Variants in RNF11 observed in about 807,000 individuals in gnomAD.
RNF11 encodes the protein ring finger protein 11.
In RNF11, 4 loss-of-function variants were observed where a neutral mutation model predicts 15.8. That is an observed-to-expected ratio of 0.25 (90% confidence interval 0.12 to 0.58). The LOEUF (loss-of-function observed/expected upper bound fraction) is 0.58, where lower values mean the gene tolerates loss of function less well. RNF11 is among the 20% of genes least tolerant of loss of function. The probability of loss-of-function intolerance (pLI) is 0.91; values close to 1 mark genes in which losing one functional copy is unlikely to be tolerated. For missense variants in RNF11, 139 were observed against 194.4 expected (o/e 0.71, Z 1.70); for synonymous variants, 68 against 72.3 (o/e 0.94, Z 0.30).
chr1:51,248,902 AAAC>A (rs1646864851), intron 1 of RNF11, among the ~76,000 whole-genome samples: 1 of 152,246 alleles, frequency 6.6e-6, no homozygotes, highest in African/African-American at 2.4e-5. Flanking sequence ...TTGGGAAAGA[AAAC>A]AATAAAAAAT....
intron 1 of RNF11, among the ~76,000 whole-genome samples, chr1:51,239,430 A>G (rs985117311): frequency 1.3e-5 from 2 of 152,224 alleles, no homozygotes; most frequent in African/African-American, 4.8e-5. Flanking sequence ...CAATCAGAAG[A>G]AAATTACTTT....
At chr1:51,245,863 G>T (rs1372272481) in intron 1 of RNF11, among the ~76,000 whole-genome samples, 1 of 152,170 alleles carries the variant, frequency 6.6e-6, no homozygotes, top group African/African-American at 2.4e-5. Flanking sequence ...ACGACTTGAG[G>T]CAAGAAAAGA....
At chr1:51,256,097 A>G (rs1254837060) in intron 1 of RNF11, among the ~76,000 whole-genome samples, 1 of 151,922 alleles carries the variant, frequency 6.6e-6, no homozygotes. Flanking sequence ...CCCCAAACCC[A>G]CTGTTTATCT....
intron 1 of RNF11, among the ~76,000 whole-genome samples, chr1:51,240,508 T>TA (rs1275318270): frequency 6.6e-6 from 1 of 152,202 alleles, no homozygotes; most frequent in Non-Finnish European, 1.5e-5. Context: ...CGTTGTCTAT[T>TA]ACCTGTCTTC....
At chr1:51,253,947 A>G (rs1364156529) in intron 1 of RNF11, among the ~76,000 whole-genome samples, 3 of 152,062 alleles carry the variant, frequency 2.0e-5, no homozygotes, top group Non-Finnish European at 4.4e-5. Context: ...TAGCCTGGAC[A>G]ACATAGTGAG....
chr1:51,236,697 G>A lies in RNF11; in HGVS notation c.-60G>A. 6.2e-7 allele frequency: 1 copy of A among 1,601,328 alleles called. No individual in the cohort carries two copies. ...CGCCAACCGAGGCGGACCGCGGAGT[G>A]TGCGAACGACCCCACCGCTGCTTTC... is the stretch of plus-strand genomic sequence containing the variant. On this transcript the variant is annotated 5_prime_UTR_variant, in exon 1 of 3. In the 5' UTR this introduces an upstream ATG that the reference lacks. Transcript: ENST00000242719.
intron 1 of RNF11, among the ~76,000 whole-genome samples, chr1:51,237,107 G>A (rs1386197135): frequency 6.6e-6 from 1 of 152,044 alleles, no homozygotes; most frequent in African/African-American, 2.4e-5. Context: ...TTGAGTTCTG[G>A]GATCAGAGTA....
chr1:51,260,971 G>A (rs996143302), intron 1 of RNF11, among the ~76,000 whole-genome samples: 1 of 152,030 alleles, frequency 6.6e-6, no homozygotes, highest in African/African-American at 2.4e-5. Flanking sequence ...CAGTTTTAGC[G>A]GGAAATTCAC....
chr1:51,256,161 C>A (rs141912324), intron 1 of RNF11, among the ~76,000 whole-genome samples: 1 of 152,236 alleles, frequency 6.6e-6, no homozygotes, highest in East Asian at 1.9e-4. Flanking sequence ...TGACATGCAT[C>A]CACCATTATA....
intron 1 of RNF11, among the ~76,000 whole-genome samples, chr1:51,264,287 A>AAAAAAT (rs1557682286): frequency 6.1e-5 from 2 of 32,522 alleles, no homozygotes; most frequent in Non-Finnish European, 1.1e-4. Flanking sequence ...AAAAAAAAAA[A>AAAAAAT]ATATATATAT....
intron 1 of RNF11, among the ~76,000 whole-genome samples, chr1:51,255,058 A>G (rs1646898129): frequency 6.6e-6 from 1 of 152,182 alleles, no homozygotes; most frequent in Admixed American, 6.5e-5. Context: ...CCCCCAACAT[A>G]CTGTTTAATG....
At chr1:51,245,615 C>A (rs1002472509) in intron 1 of RNF11, among the ~76,000 whole-genome samples, 68 of 152,022 alleles carry the variant, frequency 4.5e-4, no homozygotes, top group Non-Finnish European at 9.4e-4. Flanking sequence ...CCACACCTGG[C>A]TAATTTTTTG....
chr1:51,242,999 A>C (rs1179153576), intron 1 of RNF11, among the ~76,000 whole-genome samples: 1 of 152,200 alleles, frequency 6.6e-6, no homozygotes, highest in Non-Finnish European at 1.5e-5. Context: ...ATTGAGGGGC[A>C]GATCAACTAA....
intron 1 of RNF11, among the ~76,000 whole-genome samples, chr1:51,269,312 GC>G: frequency 6.6e-6 from 1 of 152,248 alleles, no homozygotes; most frequent in African/African-American, 2.4e-5. Flanking sequence ...CAACCCTGTG[GC>G]CCCACTACTC....
chr1:51,264,259 C>CAAA lies in RNF11; in HGVS notation c.124-5670_124-5668dup, dbSNP rs1158509807. ...TAGGTAACAGAATGAGACCCTATCT[C>CAAA]AAAAAAAAAAAAAAAAAAAAAAAAA... On this transcript the variant is annotated intron_variant, in intron 1 of 2. Transcript: ENST00000242719. Among the ~76,000 whole-genome samples, 18 of 25,516 alleles carry CAAA rather than the reference C, an allele frequency of 7.1e-4. 1 individual carries two copies. The highest frequency in any genetic ancestry group is 1.2e-3 in the African/African-American group (7 of 6,058). The allele number at this position is 25,516 out of a possible 152,430, so 16.7% of individuals were successfully genotyped here.
In RNF11 at chr1:51,236,510, CCA is replaced by C. The variant is rs1646803283; in HGVS notation, c.-246_-245del. 2 of 140,922 alleles carry C rather than the reference CCA, an allele frequency of 1.4e-5. No individual in the cohort carries two copies. The highest frequency in any genetic ancestry group is 2.3e-4 in the South Asian group (1 of 4,342). 8.7% of individuals were successfully genotyped at this position (140,922 alleles called of 1,614,324 possible). On this transcript the variant is annotated 5_prime_UTR_variant, in exon 1 of 3. Coordinates refer to ENST00000242719, the MANE Select transcript of RNF11 (RefSeq NM_014372.5). ...GCTTCGTCTCCCCGCCCCCCCCCCC[CCA>C]TCGCTGCCTCGCAGGAGGCGAACGC... is the stretch of plus-strand genomic sequence containing the variant.
intron 1 of RNF11, among the ~76,000 whole-genome samples, chr1:51,258,276 A>C (rs1311867715): frequency 6.6e-6 from 1 of 152,204 alleles, no homozygotes; most frequent in Non-Finnish European, 1.5e-5. Context: ...GTTAACTGAA[A>C]CCTTGCAATA....
At chr1:51,251,562 T>A in intron 1 of RNF11, 1 of 564,084 alleles carries the variant, frequency 1.8e-6, no homozygotes, top group East Asian at 2.9e-5. Flanking sequence ...AATTAAGGTA[T>A]GTCATGATGG....
intron 1 of RNF11, among the ~76,000 whole-genome samples, chr1:51,253,171 G>A (rs533167433): frequency 2.0e-5 from 3 of 152,040 alleles, no homozygotes; most frequent in Non-Finnish European, 2.9e-5. Flanking sequence ...AACTTGATTT[G>A]TAGGAGTTTA....
Sources: allele counts gnomAD v4.1 joint callset (sites outside exome capture counted in the v4.1 genomes callset), GRCh38; gene constraint gnomAD v4.1.1; transcripts MANE v1.5; gene names NCBI Gene and HGNC (gene_info 2026-07-23, HGNC 2026-07-21).